EP400: variants seen among roughly 807,000 people sequenced by gnomAD.
EP400 encodes E1A-binding protein p400.
EP400 carries 105 observed loss-of-function variants against 354.1 expected under a neutral mutation model. That is an observed-to-expected ratio of 0.30 (90% CI 0.25 to 0.35). EP400 has a LOEUF of 0.35. Ranked by LOEUF, EP400 falls within the 10% of genes least tolerant of loss-of-function variation. The pLI, the probability that EP400 is intolerant of heterozygous loss-of-function variation, is 1.00. For missense variants in EP400, 3,280 were observed against 4,121.0 expected (o/e 0.80, Z 5.59); for synonymous variants, 1,646 against 1,716.9 (o/e 0.96, Z 1.02).
chr12:131,978,774 A>G (rs1892569932), intron 2 of EP400, among the ~76,000 whole-genome samples: 1 of 152,072 alleles, frequency 6.6e-6, no homozygotes, highest in South Asian at 2.1e-4. Context: ...CAGCCTTCCA[A>G]AGTGTTGGGA....
intron 51 of EP400, among the ~76,000 whole-genome samples, chr12:132,074,861 A>G (rs540341788): frequency 2.0e-4 from 30 of 152,316 alleles, no homozygotes; most frequent in African/African-American, 6.7e-4. Flanking sequence ...CAGGCCTCGC[A>G]GAGTGAGTGA....
intron 1 of EP400, among the ~76,000 whole-genome samples, chr12:131,953,357 C>T (rs567816149): frequency 3.3e-5 from 5 of 152,346 alleles, no homozygotes; most frequent in East Asian, 3.9e-4. Context: ...TTGAACTTCT[C>T]TCACAAGCTG....
chr12:131,996,106 CT>C (rs1195912598), intron 12 of EP400, among the ~76,000 whole-genome samples: 1 of 152,136 alleles, frequency 6.6e-6, no homozygotes, highest in Non-Finnish European at 1.5e-5. Flanking sequence ...AGGCAGTATT[CT>C]TTTTGTAAAT....
intron 19 of EP400, among the ~76,000 whole-genome samples, chr12:132,014,763 A>T (rs766996176): frequency 2.6e-5 from 4 of 152,116 alleles, no homozygotes; most frequent in African/African-American, 4.8e-5. Context: ...CCACGTGCTG[A>T]TGTGCTCCCC....
Position 132,037,943 on chromosome 12 carries a change from CTG to C in EP400, c.6064-6_6064-5del, listed in dbSNP as rs1894771557. 5.0e-6 allele frequency: 8 copies of C among 1,614,158 alleles called. No homozygotes were observed. The highest frequency in any genetic ancestry group is 6.8e-6 in the Non-Finnish European group (8 of 1,180,018). The stretch of plus-strand genomic sequence containing the variant: ...TTGTACTGGGGAGTAACACACATCT[CTG>C]TGTTCAGCGAACCATCCAGGAGCTG... On this transcript the variant is annotated splice_region_variant and splice_polypyrimidine_tract_variant and intron_variant, in intron 31 of 52. Transcript: ENST00000389561.
intron 1 of EP400, among the ~76,000 whole-genome samples, chr12:131,956,912 C>T (rs1038709686): frequency 1.5e-5 from 2 of 130,474 alleles, no homozygotes; most frequent in African/African-American, 5.7e-5. Context: ...CACTCCTTTG[C>T]CCAGGCTGGA....
Position 131,991,476 on chromosome 12 carries a change from T to C in EP400, c.2679+20T>C. The C allele has an allele frequency of 6.2e-7, 1 of 1,613,626 alleles. No homozygotes were observed. The highest frequency in any genetic ancestry group is 8.5e-7 in the Non-Finnish European group (1 of 1,179,580). Reference sequence around the variant, plus strand: ...TCTCTGGTAAGTTTGGGGTTGTTACTGTGCTGTGTGAGAAGGAGTAGAAGC... The same window carrying C: ...TCTCTGGTAAGTTTGGGGTTGTTACCGTGCTGTGTGAGAAGGAGTAGAAGC... On this transcript the variant is annotated intron_variant, in intron 10 of 52. Coordinates refer to ENST00000389561, the MANE Select transcript of EP400 (RefSeq NM_015409.5).
At chr12:131,978,363 C>G in intron 2 of EP400, among the ~76,000 whole-genome samples, 1 of 152,122 alleles carries the variant, frequency 6.6e-6, no homozygotes, top group East Asian at 1.9e-4. Flanking sequence ...GTTTCACCGC[C>G]CTAGAAATGT....
intron 12 of EP400, among the ~76,000 whole-genome samples, chr12:131,999,688 CT>C (rs928070141): frequency 3.9e-5 from 6 of 152,244 alleles, no homozygotes; most frequent in African/African-American, 1.4e-4. Context: ...ATCTGCCCAC[CT>C]GAGCCTCCCA....
In EP400 at chr12:132,014,173, G is replaced by C. The variant is rs189974941; in HGVS notation, c.3923+260G>C. Among the ~76,000 whole-genome samples the C allele has an allele frequency of 1.6e-3, 237 of 152,298 alleles. 1 individual carries two copies. The highest frequency in any genetic ancestry group is 2.7e-3 in the Non-Finnish European group (182 of 68,024). ...CTGCCCACGTGTAGGGTGGTGTCCT[G>C]GTGCTGCTCCCTGTGTTGCCCAGAG... On this transcript the variant is annotated intron_variant, in intron 19 of 52. Coordinates refer to ENST00000389561, the MANE Select transcript of EP400 (RefSeq NM_015409.5).
At chr12:131,981,955 C>T (rs1205642621) in intron 4 of EP400, 138 bp from the exon 5 acceptor site, 11 of 1,160,202 alleles carry the variant, frequency 9.5e-6, no homozygotes, top group African/African-American at 9.2e-5. Flanking sequence ...TGTGTGTGCT[C>T]GGTTGTGGCC....
At chr12:132,028,373 C>A in intron 27 of EP400, 85 bp downstream of exon 27, 2 of 1,523,746 alleles carry the variant, frequency 1.3e-6, no homozygotes, top group Admixed American at 3.5e-5. Context: ...GGATGTACAT[C>A]TTACTCCCAT....
At chr12:131,968,669 A>G (rs1304354344) in intron 2 of EP400, among the ~76,000 whole-genome samples, 1 of 152,188 alleles carries the variant, frequency 6.6e-6, no homozygotes, top group Non-Finnish European at 1.5e-5. Flanking sequence ...GGGAGGAGTG[A>G]TATCTTAACA....
At position 132,006,215 on chromosome 12, in the gene EP400, C is replaced by T. The variant is rs113601340; in HGVS notation, c.3039C>T (p.Ile1013=). The T allele has an allele frequency of 3.0e-3, 4,892 of 1,614,144 alleles. 110 individuals carry two copies. The African/African-American group carries it at 0.054, about 18-fold the overall frequency. Residue 1013 remains isoleucine, a synonymous_variant, in exon 14 of 53, where the codon ATC becomes ATT. Transcript: ENST00000389561. ...TCAAAGCTGCCGAGAGGATGAATATCGGGAAGCCAAACGCCAAGGACATTG... is the reference window on the plus strand; with the variant it reads ...TCAAAGCTGCCGAGAGGATGAATATTGGGAAGCCAAACGCCAAGGACATTG... ...DQFKAAERMN[I]GKPNAKDIAD...
chr12:132,071,331 TC>T (rs1157935976), intron 51 of EP400, among the ~76,000 whole-genome samples: 3 of 152,130 alleles, frequency 2.0e-5, no homozygotes, highest in African/African-American at 7.2e-5. Flanking sequence ...TGTCCTGAGT[TC>T]CAGATTCTTC....
chr12:132,053,547 C>A lies in EP400; in HGVS notation c.7678C>A (p.Pro2560Thr). Reference sequence around the variant, plus strand: ...GACCCAGCCACAGCCTGTGCAGGCCCCAGCGAAGGCGCAGCCCGCAATCAC... The same window carrying A: ...GACCCAGCCACAGCCTGTGCAGGCCACAGCGAAGGCGCAGCCCGCAATCAC... ...PQTQPQPVQAPAKAQPAITTG... is the reference protein window; with the variant it reads ...PQTQPQPVQATAKAQPAITTG... The change falls in exon 43 of 53, where the codon CCA becomes ACA. Residue 2560 changes from proline to threonine, a missense_variant. By Grantham distance (38) the Pro-to-Thr change is conservative (BLOSUM62 -1). Around this residue, in one of 20 missense-constraint regions of EP400, gnomAD observed 255 missense variants for 295.9 expected, o/e 0.86. Coordinates refer to ENST00000389561, the MANE Select transcript of EP400 (RefSeq NM_015409.5). The A allele has an allele frequency of 6.4e-7, 1 of 1,557,948 alleles. No individual in the cohort carries two copies. Among genetic ancestry groups the A allele is most frequent in the Admixed American group, 1.8e-5 (1 of 54,780 alleles).
chr12:132,021,462 G>A, intron 23 of EP400, 141 bp downstream of exon 23: 1 of 1,255,296 alleles, frequency 8.0e-7, no homozygotes, highest in African/African-American at 1.6e-5. Context: ...CCTCTCACCA[G>A]TGCAGCTGCC....
intron 12 of EP400, 84 bp from the exon 13 acceptor site, chr12:132,004,993 G>T: frequency 3.8e-6 from 4 of 1,062,256 alleles, no homozygotes; most frequent in Non-Finnish European, 5.7e-6. Flanking sequence ...TCTTACCGTG[G>T]TTCTCCTGGC....
At chr12:132,057,575 A>G (rs1409623342) in intron 45 of EP400, among the ~76,000 whole-genome samples, 12 of 152,256 alleles carry the variant, frequency 7.9e-5, no homozygotes, top group African/African-American at 1.7e-4. Flanking sequence ...TCGTAGAACC[A>G]TATATTGTAC....
Sources: allele counts gnomAD v4.1 joint callset (sites outside exome capture counted in the v4.1 genomes callset), GRCh38; gene constraint gnomAD v4.1.1; regional missense constraint gnomAD v4.1.1; transcripts MANE v1.5; gene names NCBI Gene and HGNC (gene_info 2026-07-23, HGNC 2026-07-21).